THSD4: variants seen among roughly 807,000 people sequenced by gnomAD.
THSD4 encodes thrombospondin type-1 domain-containing protein 4.
THSD4 carries 69 observed loss-of-function variants against 119.0 expected under a neutral mutation model. That is an observed-to-expected ratio of 0.58 (90% CI 0.48 to 0.71). The LOEUF is 0.71. THSD4 is among the 30% of genes least tolerant of loss of function. The pLI, the probability that THSD4 is intolerant of heterozygous loss-of-function variation, is 0.00. For synonymous variants in THSD4, 524 were observed against 540.4 expected (o/e 0.97, Z 0.42); for missense variants, 1,393 against 1,391.1 (o/e 1.00, Z -0.02).
intron 7 of THSD4, among the ~76,000 whole-genome samples, chr15:71,516,120 A>G (rs2048357958): frequency 6.6e-6 from 1 of 152,210 alleles, no homozygotes; most frequent in Admixed American, 6.5e-5. Flanking sequence ...ATTTCTAAAT[A>G]AAGTATCTGC....
At chr15:71,767,218 A>G (rs966769654) in intron 16 of THSD4, 19 of 152,222 alleles carry the variant, frequency 1.2e-4, no homozygotes, top group African/African-American at 4.6e-4. Flanking sequence ...ACCTTGTTTT[A>G]CAAATTTGAG....
At chr15:71,687,517 G>A (rs1021980869) in intron 8 of THSD4, among the ~76,000 whole-genome samples, 1 of 152,050 alleles carries the variant, frequency 6.6e-6, no homozygotes, top group African/African-American at 2.4e-5. Context: ...GCACTTTGGG[G>A]GGCCAAGGCG....
intron 6 of THSD4, among the ~76,000 whole-genome samples, chr15:71,400,520 T>C (rs2046514241): frequency 6.6e-6 from 1 of 152,208 alleles, no homozygotes; most frequent in South Asian, 2.1e-4. Flanking sequence ...TACTTTGTCA[T>C]AAACAGGAGC....
intron 2 of THSD4, among the ~76,000 whole-genome samples, chr15:71,154,478 T>C (rs2040756783): frequency 6.6e-6 from 1 of 152,230 alleles, no homozygotes; most frequent in African/African-American, 2.4e-5. Flanking sequence ...GCATGTGGGC[T>C]ACACTAGCAC....
At chr15:71,219,001 T>A (rs1385785167) in intron 4 of THSD4, among the ~76,000 whole-genome samples, 1 of 152,146 alleles carries the variant, frequency 6.6e-6, no homozygotes, top group Non-Finnish European at 1.5e-5. Flanking sequence ...CTAGAGCAGT[T>A]GTTTGCAAAA....
chr15:71,745,113 G>C lies in THSD4; in HGVS notation c.1914G>C (p.Gln638His), dbSNP rs757460044. Residue 638 changes from glutamine (Q) to histidine (H), a missense_variant, in exon 12 of 18, where the codon CAG becomes CAC. By Grantham distance (24) the Gln-to-His change is conservative (BLOSUM62 0). Transcript: ENST00000261862. ...ATTCTCCTGTTGTTGCAGGATCGCA[G>C]TACCCTATTTTCCGCTGTGTGCACA... ...ECSTTCGKGSQYPIFRCVHRS... is the reference protein window; with the variant it reads ...ECSTTCGKGSHYPIFRCVHRS... 5.6e-6 allele frequency: 9 copies of C among 1,610,992 alleles called. No homozygotes were observed. In the South Asian group the frequency reaches 9.9e-5, roughly 18 times the overall value.
At chr15:71,365,905 TA>T (rs2045955732) in intron 6 of THSD4, among the ~76,000 whole-genome samples, 1 of 152,206 alleles carries the variant, frequency 6.6e-6, no homozygotes, top group Non-Finnish European at 1.5e-5. Flanking sequence ...AGTCAGTTAC[TA>T]AAAGTATCCA....
chr15:71,587,022 A>G (rs1246587066), intron 7 of THSD4, among the ~76,000 whole-genome samples: 1 of 152,160 alleles, frequency 6.6e-6, no homozygotes, highest in Non-Finnish European at 1.5e-5. Flanking sequence ...ACCAAAAAAC[A>G]TGCTCATCAT....
upstream of THSD4, chr15:71,111,440 A>T (rs1422035360): frequency 1.3e-6 from 2 of 1,588,180 alleles, no homozygotes; most frequent in African/African-American, 2.7e-5. Context: ...GAGGAGGAAG[A>T]AAAAGGACTG....
chr15:71,571,083 C>T (rs886922563), intron 7 of THSD4, among the ~76,000 whole-genome samples: 2 of 152,202 alleles, frequency 1.3e-5, no homozygotes, highest in Admixed American at 6.5e-5. Flanking sequence ...TCCTATGGGG[C>T]ATTTCCACCG....
At chr15:71,457,379 CAAAAA>C (rs10708714) in intron 7 of THSD4, among the ~76,000 whole-genome samples, 5 of 50,584 alleles carry the variant, frequency 9.9e-5, no homozygotes, top group South Asian at 8.7e-4. Context: ...GATCTCGCCT[CAAAAA>C]AAAAAAAAAA....
intron 8 of THSD4, among the ~76,000 whole-genome samples, chr15:71,727,579 T>C (rs1316851306): frequency 0.076 from 961 of 12,616 alleles, 14 homozygotes; most frequent in African/African-American, 0.14. Context: ...TATATATATA[T>C]ATATATATAC....
At chr15:71,559,033 A>C (rs1200741827) in intron 7 of THSD4, among the ~76,000 whole-genome samples, 1 of 152,166 alleles carries the variant, frequency 6.6e-6, no homozygotes, top group Non-Finnish European at 1.5e-5. Context: ...GGTTTTGATG[A>C]ACATTCTTGA....
intron 6 of THSD4, among the ~76,000 whole-genome samples, chr15:71,352,223 T>G (rs902549883): frequency 6.6e-6 from 1 of 152,362 alleles, no homozygotes; most frequent in South Asian, 2.1e-4. Context: ...TTGGAAAGAC[T>G]GAAGCTTCCA....
At chr15:71,749,318 A>G (rs1038235505) in intron 14 of THSD4, among the ~76,000 whole-genome samples, 2 of 152,238 alleles carry the variant, frequency 1.3e-5, no homozygotes, top group African/African-American at 4.8e-5. Flanking sequence ...GGACAGGGAG[A>G]AGAAAAGAGG....
chr15:71,670,118 C>T (rs1340442972), intron 8 of THSD4, among the ~76,000 whole-genome samples: 1 of 152,050 alleles, frequency 6.6e-6, no homozygotes, highest in Non-Finnish European at 1.5e-5. Flanking sequence ...TTCTAGGGTA[C>T]ATGTGCACAG....
At chr15:71,548,458 A>T (rs1183706773) in intron 7 of THSD4, among the ~76,000 whole-genome samples, 1 of 152,200 alleles carries the variant, frequency 6.6e-6, no homozygotes, top group African/African-American at 2.4e-5. Flanking sequence ...GTCTAAGAAG[A>T]GTGGAAGTGG....
chr15:71,481,203 A>G (rs1459786511), intron 7 of THSD4, among the ~76,000 whole-genome samples: 21 of 152,202 alleles, frequency 1.4e-4, no homozygotes, highest in Admixed American at 1.4e-3. Flanking sequence ...AGACTCTGTG[A>G]TAAAAGAAGC....
chr15:71,194,130 C>T (rs890138869), intron 3 of THSD4, among the ~76,000 whole-genome samples: 7 of 152,212 alleles, frequency 4.6e-5, no homozygotes, highest in African/African-American at 1.2e-4. Flanking sequence ...TTCCCAGCCA[C>T]GTGGTACTGT....
Sources: gnomAD v4.1 joint callset for allele counts (sites outside exome capture counted in the v4.1 genomes callset) on GRCh38, gnomAD v4.1.1 for gene constraint, MANE v1.5 for transcripts, NCBI Gene and HGNC (gene_info 2026-07-23, HGNC 2026-07-21) for gene names.